BEND3: variants seen among roughly 807,000 people sequenced by gnomAD.
The protein encoded by BEND3 is BEN domain-containing protein 3.
In BEND3, 13 loss-of-function variants were observed where a neutral mutation model predicts 60.1. The ratio of observed to expected loss-of-function variants is 0.22; its 90% CI spans 0.14 to 0.34. BEND3 has a LOEUF of 0.34. BEND3 is among the 10% of genes least tolerant of loss of function. BEND3 has a pLI of 1.00. For missense variants in BEND3, 896 were observed against 1,138.1 expected (o/e 0.79, Z 3.06); for synonymous variants, 497 against 491.5 (o/e 1.01, Z -0.15).
At chr6:107,108,897 C>T (rs1480347017) in intron 1 of BEND3, among the ~76,000 whole-genome samples, 9 of 152,248 alleles carry the variant, frequency 5.9e-5, no homozygotes, top group Admixed American at 3.9e-4. Flanking sequence ...CTCTGCATCC[C>T]GCGTTCAAGC....
intron 1 of BEND3, among the ~76,000 whole-genome samples, chr6:107,109,455 A>AAAAAAAAAAAAAAAAT (rs1474951967): frequency 6.7e-6 from 1 of 149,116 alleles, no homozygotes; most frequent in East Asian, 2.0e-4. Context: ...AAAAAAAAAA[A>AAAAAAAAAAAAAAAAT]AAATCGAGGT....
intron 1 of BEND3, among the ~76,000 whole-genome samples, chr6:107,105,285 C>A (rs1172944953): frequency 7.9e-5 from 12 of 151,052 alleles, no homozygotes; most frequent in African/African-American, 2.9e-4. Context: ...GCAGGAGAAT[C>A]GCTTGAACCT....
At position 107,098,633 on chromosome 6, in the gene BEND3, T is replaced by C; in HGVS notation, c.158A>G (p.Asp53Gly). ...GACCAGCTGCTTTCGTTTGCTGGAG[T>C]CCTGCAGGGCAGTGAGGACGCTGTC... is the stretch of plus-strand genomic sequence containing the variant. ...SVDSVLTALQ[D>G]SSKRKQLVSD... Residue 53 changes from aspartate to glycine, a missense_variant, in exon 3 of 4, where the codon GAC (aspartate) becomes GGC (glycine). This residue lies in a region of BEND3 where 846 missense variants were observed against 1,036.7 expected (regional missense o/e 0.82). Coordinates refer to ENST00000369042, the MANE Select transcript of BEND3 (RefSeq NM_001367314.1). The C allele has an allele frequency of 6.2e-7, 1 of 1,613,918 alleles. No homozygotes were observed. The highest frequency in any genetic ancestry group is 8.5e-7 in the Non-Finnish European group (1 of 1,180,016).
intron 1 of BEND3, among the ~76,000 whole-genome samples, chr6:107,100,999 C>G (rs1775691138): frequency 6.6e-6 from 1 of 152,126 alleles, no homozygotes; most frequent in Admixed American, 6.6e-5. Context: ...GTCAGAAGTT[C>G]AACACCAGCC....
chr6:107,090,771 AAAG>A (rs1428084660), intron 3 of BEND3, among the ~76,000 whole-genome samples: 3 of 152,136 alleles, frequency 2.0e-5, no homozygotes, highest in African/African-American at 4.8e-5. Context: ...CCATTAAAAA[AAAG>A]AAAAAAATAT....
intron 3 of BEND3, among the ~76,000 whole-genome samples, chr6:107,089,116 C>A (rs1205152129): frequency 1.4e-5 from 2 of 141,502 alleles, no homozygotes; most frequent in Non-Finnish European, 3.0e-5. Context: ...CCAGCCTGGG[C>A]AAAAGATCGA....
intron 1 of BEND3, among the ~76,000 whole-genome samples, chr6:107,105,538 T>A (rs1775795409): frequency 6.6e-6 from 1 of 152,078 alleles, no homozygotes; most frequent in South Asian, 2.1e-4. Context: ...CGGGGTACCT[T>A]TCTATCAAGT....
At chr6:107,098,502 C>A in intron 3 of BEND3, 49 bp downstream of exon 3, 2 of 1,580,964 alleles carry the variant, frequency 1.3e-6, no homozygotes, top group South Asian at 1.1e-5. Context: ...AGCATGGAAT[C>A]AGAGAGGGTT....
chr6:107,073,228 T>TGTGAGC, intron 3 of BEND3, among the ~76,000 whole-genome samples: 3 of 14,688 alleles, frequency 2.0e-4, no homozygotes, highest in Non-Finnish European at 5.9e-4. Flanking sequence ...TATATATATA[T>TGTGAGC]ATATATATAT....
At chr6:107,098,236 T>C (rs1775628389) in intron 3 of BEND3, among the ~76,000 whole-genome samples, 1 of 152,220 alleles carries the variant, frequency 6.6e-6, no homozygotes, top group Admixed American at 6.5e-5. Context: ...CTATGTCAAG[T>C]GTGGTAGGCT....
In BEND3 at chr6:107,109,993, T is replaced by C. The variant is rs1373012355; in HGVS notation, c.-12+5097A>G. ...CTGCAGTGAGCTGTGATCGTGCCAC[T>C]GCACTCCATCCTGGGTGACAGAGTG... is the stretch of plus-strand genomic sequence containing the variant. On this transcript the variant is annotated intron_variant, in intron 1 of 3. Transcript: ENST00000369042. 9.5e-5 allele frequency among the ~76,000 whole-genome samples: 14 copies of C among 147,812 alleles called. No homozygotes were observed. In the Admixed American group the frequency reaches 9.6e-4, roughly 10 times the overall value.
chr6:107,083,586 G>A (rs1046119815), intron 3 of BEND3, among the ~76,000 whole-genome samples: 3 of 151,926 alleles, frequency 2.0e-5, no homozygotes, highest in African/African-American at 7.3e-5. Context: ...GCAGTGAGCC[G>A]TGGTCACACT....
chr6:107,095,927 T>C (rs1448674603), intron 3 of BEND3, among the ~76,000 whole-genome samples: 1 of 152,170 alleles, frequency 6.6e-6, no homozygotes, highest in African/African-American at 2.4e-5. Context: ...AACAGATTTT[T>C]AGGACAGCAA....
intron 3 of BEND3, among the ~76,000 whole-genome samples, chr6:107,082,611 T>A (rs1775256769): frequency 6.6e-6 from 1 of 152,122 alleles, no homozygotes. Flanking sequence ...ATTTTTGTAT[T>A]TTTAACAGAC....
intron 3 of BEND3, among the ~76,000 whole-genome samples, chr6:107,098,284 T>C (rs1160831581): frequency 1.3e-5 from 2 of 152,164 alleles, no homozygotes; most frequent in African/African-American, 4.8e-5. Flanking sequence ...GCTCCTGCTT[T>C]CCCCCACAAA....
chr6:107,096,685 G>A (rs1775592344), intron 3 of BEND3, among the ~76,000 whole-genome samples: 1 of 152,210 alleles, frequency 6.6e-6, no homozygotes, highest in African/African-American at 2.4e-5. Flanking sequence ...AAGTACATTA[G>A]TGATTGTCAG....
chr6:107,080,388 GAAAAAGAA>G (rs1267178079), intron 3 of BEND3, among the ~76,000 whole-genome samples: 2 of 138,028 alleles, frequency 1.4e-5, no homozygotes, highest in African/African-American at 5.7e-5. Flanking sequence ...CAAAAAACAG[GAAAAAGAA>G]AAAAAGAAAA....
intron 3 of BEND3, among the ~76,000 whole-genome samples, chr6:107,079,251 G>A (rs1775172753): frequency 6.6e-6 from 1 of 152,126 alleles, no homozygotes; most frequent in Non-Finnish European, 1.5e-5. Flanking sequence ...CAACTCCAGG[G>A]GAAATTCATT....
chr6:107,073,202 T>C (rs1203656869), intron 3 of BEND3, among the ~76,000 whole-genome samples: 2 of 2,104 alleles, frequency 9.5e-4, no homozygotes, highest in African/African-American at 1.9e-3. Flanking sequence ...TATGTGTATG[T>C]ATATATATAT....
Sources: allele counts gnomAD v4.1 joint callset (sites outside exome capture counted in the v4.1 genomes callset), GRCh38; gene constraint gnomAD v4.1.1; regional missense constraint gnomAD v4.1.1; transcripts MANE v1.5; gene names NCBI Gene and HGNC (gene_info 2026-07-23, HGNC 2026-07-21).